BCAR3: variants seen among roughly 807,000 people sequenced by gnomAD.
The protein encoded by BCAR3 is BCAR3 adaptor protein, NSP family member, also known as breast cancer anti-estrogen resistance protein 3.
BCAR3 carries 37 observed loss-of-function variants against 80.1 expected under a neutral mutation model. The ratio of observed to expected loss-of-function variants is 0.46; its 90% confidence interval spans 0.36 to 0.61. BCAR3 has a LOEUF of 0.61. Ranked by LOEUF, BCAR3 falls within the 20% of genes least tolerant of loss-of-function variation. The pLI, the probability that BCAR3 is intolerant of heterozygous loss-of-function variation, is 0.00. For missense variants in BCAR3, 978 were observed against 1,068.2 expected (o/e 0.92, Z 1.18); for synonymous variants, 389 against 418.9 (o/e 0.93, Z 0.87).
At chr1:93,731,374 G>A (rs1465217453) in intron 2 of BCAR3, among the ~76,000 whole-genome samples, 1 of 152,222 alleles carries the variant, frequency 6.6e-6, no homozygotes, top group East Asian at 1.9e-4. Context: ...AGGATTCTAT[G>A]GGAATTTCCT....
intron 2 of BCAR3, among the ~76,000 whole-genome samples, chr1:93,662,224 T>C (rs1367134404): frequency 2.0e-5 from 3 of 152,224 alleles, no homozygotes; most frequent in African/African-American, 4.8e-5. Flanking sequence ...ATATTAACTT[T>C]AGTTAATGCT....
chr1:93,592,282 C>T lies in BCAR3; in HGVS notation c.469G>A (p.Gly157Ser), dbSNP rs368839525. 13 of 1,613,190 alleles carry T rather than the reference C, an allele frequency of 8.1e-6. No homozygotes were observed. The South Asian group carries it at 9.9e-5, about 12-fold the overall frequency. The change falls in exon 4 of 12, where the codon GGC becomes AGC. Residue 157 changes from glycine to serine, a missense_variant. Coordinates refer to ENST00000260502, the MANE Select transcript of BCAR3 (RefSeq NM_003567.4). This position sits in a 1 kb window ranked among gnomAD's most constrained non-coding sequence, Gnocchi z 4.8. ...EDLRSHAWYH[G>S]RIPRQVSENL... ...CCAGGTACCTGTCGGGGGATGCGGC[C>T]GTGGTACCAGGCATGGCTGCGCAGG...
At chr1:93,835,382 T>G (rs1165321209) in intron 2 of BCAR3, among the ~76,000 whole-genome samples, 1 of 152,182 alleles carries the variant, frequency 6.6e-6, no homozygotes. Context: ...AGAAGCAGCT[T>G]AGCGTTCCAA....
intron 2 of BCAR3, among the ~76,000 whole-genome samples, chr1:93,734,809 T>C (rs368724492): frequency 1.3e-5 from 2 of 152,166 alleles, no homozygotes; most frequent in East Asian, 1.9e-4. Flanking sequence ...TCTGACACCA[T>C]GTTAAGGCAG....
intron 4 of BCAR3, chr1:93,590,389 C>T (rs1674121642): frequency 6.6e-6 from 1 of 152,150 alleles, no homozygotes; most frequent in South Asian, 2.1e-4. Flanking sequence ...CTGAAAAACA[C>T]AAATGATAAT....
chr1:93,757,690 A>G (rs549849545), intron 2 of BCAR3, among the ~76,000 whole-genome samples: 1 of 152,188 alleles, frequency 6.6e-6, no homozygotes, highest in South Asian at 2.1e-4. Flanking sequence ...TCACCCTCCC[A>G]ATCTCTTGGG....
intron 2 of BCAR3, among the ~76,000 whole-genome samples, chr1:93,648,025 C>T (rs1490427098): frequency 1.3e-5 from 2 of 152,078 alleles, no homozygotes; most frequent in Non-Finnish European, 2.9e-5. Flanking sequence ...CCGCCCACCT[C>T]GGCCTCCCAA....
At chr1:93,815,513 T>C (rs978850375) in intron 2 of BCAR3, among the ~76,000 whole-genome samples, 1 of 152,186 alleles carries the variant, frequency 6.6e-6, no homozygotes, top group Non-Finnish European at 1.5e-5. Flanking sequence ...ACTCAGTAAA[T>C]GCTGAATATA....
At chr1:93,841,503 C>T (rs1272427542) in intron 2 of BCAR3, among the ~76,000 whole-genome samples, 1 of 152,246 alleles carries the variant, frequency 6.6e-6, no homozygotes, top group Non-Finnish European at 1.5e-5. Flanking sequence ...GATACTCCTA[C>T]ATCCTTCCTG....
Position 93,690,101 on chromosome 1 carries a change from C to T in BCAR3, c.-11-15160G>A, listed in dbSNP as rs548033479. On this transcript the variant is annotated intron_variant, in intron 3 of 13. Coordinates refer to the BCAR3 transcript ENST00000370244. Reference sequence around the variant, plus strand: ...AAGAATGAGGTAATTCCATAGGTACCGATAGGCAGCTGTGAAACGTTAGGT... The same window carrying T: ...AAGAATGAGGTAATTCCATAGGTACTGATAGGCAGCTGTGAAACGTTAGGT... 4.6e-5 allele frequency among the ~76,000 whole-genome samples: 7 copies of T among 152,226 alleles called. No individual in the cohort carries two copies. The East Asian group carries it at 9.6e-4, about 21-fold the overall frequency.
At chr1:93,843,323 T>C (rs547770910) in intron 2 of BCAR3, among the ~76,000 whole-genome samples, 2 of 152,242 alleles carry the variant, frequency 1.3e-5, no homozygotes, top group Non-Finnish European at 2.9e-5. Flanking sequence ...GTATCTGTAC[T>C]GTCCTTTGTT....
chr1:93,689,447 C>T (rs764075379), intron 3 of BCAR3, among the ~76,000 whole-genome samples: 1 of 151,794 alleles, frequency 6.6e-6, no homozygotes, highest in African/African-American at 2.4e-5. Flanking sequence ...AGGAGAATCA[C>T]CTGAACCTGG....
chr1:93,634,717 CAACA>C (rs1401086304), intron 3 of BCAR3, among the ~76,000 whole-genome samples: 2 of 129,000 alleles, frequency 1.6e-5, no homozygotes, highest in African/African-American at 6.3e-5. Context: ...ACAACAACAA[CAACA>C]AAAAAAAAAC....
chr1:93,637,805 A>G (rs537055446), intron 3 of BCAR3, among the ~76,000 whole-genome samples: 1 of 152,322 alleles, frequency 6.6e-6, no homozygotes, highest in East Asian at 1.9e-4. Context: ...ACCACTGGCT[A>G]CAAGATTTTC....
chr1:93,602,239 C>G (rs1674646302), intron 3 of BCAR3: 2 of 152,156 alleles, frequency 1.3e-5, no homozygotes, highest in Admixed American at 6.5e-5. Context: ...AGGTCTGCAC[C>G]ACCACACCCG....
intron 2 of BCAR3, among the ~76,000 whole-genome samples, chr1:93,811,478 A>G (rs1302925011): frequency 6.6e-6 from 1 of 152,230 alleles, no homozygotes; most frequent in Non-Finnish European, 1.5e-5. Flanking sequence ...TCAGAGACAG[A>G]GATAAGTGCA....
intron 2 of BCAR3, among the ~76,000 whole-genome samples, chr1:93,789,188 C>T (rs544176733): frequency 6.6e-6 from 1 of 152,238 alleles, no homozygotes; most frequent in South Asian, 2.1e-4. Context: ...GTTGGCCAGG[C>T]TGGTCTCTAA....
At chr1:93,661,270 C>T (rs1647639840) in intron 2 of BCAR3, among the ~76,000 whole-genome samples, 1 of 151,976 alleles carries the variant, frequency 6.6e-6, no homozygotes, top group South Asian at 2.1e-4. Flanking sequence ...AACTCCCAAC[C>T]TCAGGTGATC....
chr1:93,566,024 A>C (rs1256427371), intron 11 of BCAR3, among the ~76,000 whole-genome samples: 1 of 152,206 alleles, frequency 6.6e-6, no homozygotes, highest in African/African-American at 2.4e-5. Flanking sequence ...ACACCAGAGT[A>C]ATTTACTTTA....
Sources: gnomAD v4.1 joint callset for allele counts (sites outside exome capture counted in the v4.1 genomes callset) on GRCh38, gnomAD v4.1.1 for gene constraint, Gnocchi (gnomAD v3.1) non-coding constraint, MANE v1.5 for transcripts, NCBI Gene and HGNC (gene_info 2026-07-23, HGNC 2026-07-21) for gene names.